The following MYPN variants were observed in gnomAD, a reference collection of about 807,000 sequenced individuals.
MYPN encodes sarcomeric protein myopalladin, 145 kDa (MYOP).
A neutral mutation model predicts 129.4 loss-of-function variants in MYPN; 63 were observed. That is an observed-to-expected ratio of 0.49 (90% confidence interval 0.40 to 0.60). The LOEUF (loss-of-function observed/expected upper bound fraction) is 0.60. Ranked by LOEUF, MYPN falls within the 20% of genes least tolerant of loss-of-function variation. The probability of loss-of-function intolerance (pLI) is 0.00; values close to 1 mark genes in which losing one functional copy is unlikely to be tolerated. For synonymous variants in MYPN, 629 were observed against 600.9 expected (o/e 1.05, Z -0.68); for missense variants, 1,596 against 1,635.4 (o/e 0.98, Z 0.42).
At chr10:68,166,155 TG>T in intron 9 of MYPN, 138 bp from the exon 10 acceptor site, 1 of 976,650 alleles carries the variant, frequency 1.0e-6, no homozygotes, top group Non-Finnish European at 1.6e-6. Flanking sequence ...CATTCTTTAA[TG>T]CCCAGATGAT....
At chr10:68,185,761 T>G (rs181250210) in intron 12 of MYPN, among the ~76,000 whole-genome samples, 2 of 152,328 alleles carry the variant, frequency 1.3e-5, no homozygotes, top group Admixed American at 1.3e-4. Flanking sequence ...TAAACCCAAA[T>G]TTATTAAAAA....
chr10:68,107,045 T>A (rs1002813979), upstream of MYPN, among the ~76,000 whole-genome samples: 3 of 152,212 alleles, frequency 2.0e-5, no homozygotes, highest in African/African-American at 7.2e-5. Context: ...TGATGAAATC[T>A]TGAACTAGTA....
chr10:68,104,549 C>A (rs779675759), upstream of MYPN, among the ~76,000 whole-genome samples: 40 of 152,172 alleles, frequency 2.6e-4, 1 homozygote, highest in Non-Finnish European at 3.8e-4. Flanking sequence ...CACTTTTCAG[C>A]AATAATGCCT....
chr10:68,173,811 G>A (rs1470688853), intron 10 of MYPN, among the ~76,000 whole-genome samples: 1 of 149,190 alleles, frequency 6.7e-6, no homozygotes, highest in Non-Finnish European at 1.5e-5. Context: ...ACCATGTCTG[G>A]CTAATATATA....
chr10:68,176,822 T>G (rs1223511255), intron 12 of MYPN, among the ~76,000 whole-genome samples: 1 of 152,220 alleles, frequency 6.6e-6, no homozygotes, highest in Non-Finnish European at 1.5e-5. Context: ...AGCTATGGTT[T>G]CTAGGATACT....
Position 68,150,946 on chromosome 10 carries a change from G to A in MYPN, c.1317+835G>A, listed in dbSNP as rs149972855. ...CCTCTTTGAAGTATGCTTTGGTTTA[G>A]AGCAATGGTTCTCAATCATGGTTAA... On this transcript the variant is annotated intron_variant, in intron 6 of 19. Coordinates refer to ENST00000358913, the MANE Select transcript of MYPN (RefSeq NM_032578.4). Among the ~76,000 whole-genome samples, 15 of 152,318 alleles carry A rather than the reference G, an allele frequency of 9.8e-5. No homozygotes were observed. The East Asian group carries it at 2.9e-3, about 29-fold the overall frequency.
intron 6 of MYPN, among the ~76,000 whole-genome samples, chr10:68,151,017 G>T (rs915557543): frequency 6.6e-6 from 1 of 152,076 alleles, no homozygotes; most frequent in East Asian, 1.9e-4. Flanking sequence ...ACAGCTGGGG[G>T]GTTGCGTTCC....
At position 68,145,500 on chromosome 10, in the gene MYPN, C is replaced by CG; in HGVS notation, c.1105dup (p.Asp369GlyfsTer3). The CG allele has an allele frequency of 6.2e-7, 1 of 1,613,112 alleles. No homozygotes were observed. ...GGGTTTCTTCTTCTGACTCAGAAGG[C>CG]GACCCTAACAAGGAAGAGATGAATC... On this transcript the variant is annotated frameshift_variant, in exon 4 of 20. Coordinates refer to ENST00000358913, the MANE Select transcript of MYPN (RefSeq NM_032578.4). LOFTEE classifies it high-confidence loss of function.
chr10:68,150,296 T>C (rs946222288), intron 6 of MYPN, among the ~76,000 whole-genome samples, 185 bp downstream of exon 6: 5 of 152,172 alleles, frequency 3.3e-5, no homozygotes, highest in Non-Finnish European at 7.3e-5. Context: ...ATAACAGTTT[T>C]AGTAATGAGA....
chr10:68,200,931 T>C (rs1292519940), intron 17 of MYPN, among the ~76,000 whole-genome samples: 2 of 152,220 alleles, frequency 1.3e-5, no homozygotes, highest in Admixed American at 6.5e-5. Flanking sequence ...CTTTTACCTT[T>C]ATTCCACTAT....
chr10:68,092,073 C>A (rs1469217787), intron 1 of MYPN, among the ~76,000 whole-genome samples: 1 of 151,918 alleles, frequency 6.6e-6, no homozygotes, highest in African/African-American at 2.4e-5. Context: ...CAGAGCACAG[C>A]TCTGTCTCTA....
intron 16 of MYPN, among the ~76,000 whole-genome samples, chr10:68,198,493 A>C (rs369823044): frequency 1.3e-5 from 2 of 152,076 alleles, no homozygotes; most frequent in East Asian, 3.8e-4. Context: ...ATTAGTCAAA[A>C]CTTGAGATTA....
intron 14 of MYPN, among the ~76,000 whole-genome samples, 185 bp from the exon 15 acceptor site, chr10:68,195,265 A>T (rs2043585101): frequency 6.6e-6 from 1 of 152,194 alleles, no homozygotes; most frequent in Non-Finnish European, 1.5e-5. Flanking sequence ...TACTCTTAAA[A>T]ATCTCTCCCC....
intron 1 of MYPN, among the ~76,000 whole-genome samples, chr10:68,089,039 G>A (rs2041918948): frequency 6.6e-6 from 1 of 152,202 alleles, no homozygotes; most frequent in South Asian, 2.1e-4. Flanking sequence ...TCGTTTGTTT[G>A]TTTAATTTTT....
chr10:68,169,181 T>TAAAAAAAAA (rs59317396), intron 10 of MYPN, among the ~76,000 whole-genome samples: 7 of 91,072 alleles, frequency 7.7e-5, no homozygotes, highest in African/African-American at 4.7e-4. Flanking sequence ...CCGTCTCTAC[T>TAAAAAAAAA]AAAAAAAAAA....
intron 19 of MYPN, among the ~76,000 whole-genome samples, chr10:68,207,387 T>C (rs1271229539): frequency 2.6e-5 from 4 of 152,198 alleles, no homozygotes; most frequent in Non-Finnish European, 5.9e-5. Context: ...AGGGCGTTTG[T>C]ACACTTTTAC....
chr10:68,169,696 T>C (rs1251446967), intron 10 of MYPN, among the ~76,000 whole-genome samples: 1 of 151,646 alleles, frequency 6.6e-6, no homozygotes, highest in Non-Finnish European at 1.5e-5. Flanking sequence ...TCACCACATC[T>C]ACAGTTCAGG....
At chr10:68,090,512 T>C (rs2041926090) in intron 1 of MYPN, among the ~76,000 whole-genome samples, 1 of 152,152 alleles carries the variant, frequency 6.6e-6, no homozygotes. Flanking sequence ...GTCATGAATA[T>C]GTGCAATATA....
chr10:68,125,128 C>T (rs986636577), intron 2 of MYPN, among the ~76,000 whole-genome samples: 2 of 152,174 alleles, frequency 1.3e-5, no homozygotes, highest in Admixed American at 1.3e-4. Context: ...GAATTCAATG[C>T]ACCACTAAGA....
Sources: gnomAD v4.1 joint callset for allele counts (sites outside exome capture counted in the v4.1 genomes callset) on GRCh38, gnomAD v4.1.1 for gene constraint, MANE v1.5 for transcripts, NCBI Gene and HGNC (gene_info 2026-07-23, HGNC 2026-07-21) for gene names.